The following PLK4 variants were observed in gnomAD, a reference collection of about 807,000 sequenced individuals.
PLK4 encodes polo like kinase 4.
A neutral mutation model predicts 103.0 loss-of-function variants in PLK4; 51 were observed. The ratio of observed to expected loss-of-function variants is 0.50; its 90% CI spans 0.40 to 0.63. The LOEUF is 0.63. PLK4 is among the 20% of genes least tolerant of loss of function. The probability of loss-of-function intolerance (pLI) is 0.00; values close to 1 mark genes in which losing one functional copy is unlikely to be tolerated. For missense variants in PLK4, 1,054 were observed against 1,151.0 expected (o/e 0.92, Z 1.22); for synonymous variants, 389 against 376.8 (o/e 1.03, Z -0.38).
intron 4 of PLK4, among the ~76,000 whole-genome samples, chr4:127,885,033 A>T (rs1324474117): frequency 6.6e-6 from 1 of 152,050 alleles, no homozygotes; most frequent in Non-Finnish European, 1.5e-5. Flanking sequence ...GAAAATATGT[A>T]TGAATCGTTT....
chr4:127,881,482 G>A (rs1301795862), intron 1 of PLK4: 5 of 1,044,560 alleles, frequency 4.8e-6, no homozygotes, highest in South Asian at 1.8e-5. Flanking sequence ...TTCTCCAAGG[G>A]GATGGCGGTT....
Position 127,898,441 on chromosome 4 carries a change from A to T in PLK4, c.2813A>T (p.Tyr938Phe), listed in dbSNP as rs1415130944. 7.0e-7 allele frequency: 1 copy of T among 1,420,580 alleles called. No homozygotes were observed. The highest frequency in any genetic ancestry group is 2.3e-5 in the East Asian group (1 of 43,724). The allele number at this position is 1,420,580 out of a possible 1,614,324, so 88.0% of individuals were successfully genotyped here. A position where few individuals can be genotyped will look rare whatever the true frequency, so the allele number is the denominator to read the frequency against. ...TTTTTTTCTTTTGCTTCACTTAGGT[A>T]TGGAGAAAATGAAAAATTACCAGAC... ...YTSPNGQTTRYGENEKLPDYI... is the reference protein window; with the variant it reads ...YTSPNGQTTRFGENEKLPDYI... The change falls in exon 16 of 16, where the codon TAT (tyrosine) becomes TTT (phenylalanine). Residue 938 changes from tyrosine to phenylalanine, a missense_variant and splice_region_variant. Coordinates refer to ENST00000270861, the MANE Select transcript of PLK4 (RefSeq NM_014264.5).
In PLK4 at chr4:127,893,251, A is replaced by G. The variant is rs200302114; in HGVS notation, c.2189-34A>G. On this transcript the variant is annotated intron_variant, in intron 10 of 15. Transcript: ENST00000270861. ...AAATCTAGGAATATTTTTAAAAAGGATAAGAGAACAGTTTTCTGATTTTTT... is the reference window on the plus strand; with the variant it reads ...AAATCTAGGAATATTTTTAAAAAGGGTAAGAGAACAGTTTTCTGATTTTTT... The G allele has an allele frequency of 1.9e-3, 2,484 of 1,337,148 alleles. 7 individuals carry two copies. Among genetic ancestry groups the G allele is most frequent in the Non-Finnish European group, 2.3e-3 (2,232 of 963,404 alleles). The allele number at this position is 1,337,148 out of a possible 1,614,324, so 82.8% of individuals were successfully genotyped here.
Position 127,886,271 on chromosome 4 carries a change from A to T in PLK4, c.901A>T (p.Ser301Cys). ...STAITASSST[S>C]ISGSLFDKRR... ...TGCAATTACAGCTTCTTCCAGTACCAGTATAAGTGGTAGTTTATTTGACAA... is the reference window on the plus strand; with the variant it reads ...TGCAATTACAGCTTCTTCCAGTACCTGTATAAGTGGTAGTTTATTTGACAA... Residue 301 changes from serine to cysteine, a missense_variant, in exon 5 of 16, where the codon AGT becomes TGT. Ser to Cys is a moderately radical substitution (Grantham distance 112). Transcript: ENST00000270861. The T allele has an allele frequency of 6.2e-7, 1 of 1,613,906 alleles. No homozygotes were observed. The highest frequency in any genetic ancestry group is 8.5e-7 in the Non-Finnish European group (1 of 1,179,770).
rs1275096571 is a variant in PLK4, at chr4:127,883,431, C to T, written c.223-8C>T. On this transcript the variant is annotated splice_region_variant and splice_polypyrimidine_tract_variant and intron_variant, in intron 3 of 15. Transcript: ENST00000270861. ...TATTTTAATTTATTATGCCCTTTCA[C>T]ATTTCAGCTTTATAACTATTTTGAA... The T allele has an allele frequency of 1.4e-6, 2 of 1,426,244 alleles. No individual in the cohort carries two copies. The highest frequency in any genetic ancestry group is 1.7e-5 in the Admixed American group (1 of 57,406). 88.3% of individuals were successfully genotyped at this position (1,426,244 alleles called of 1,614,324 possible).
intron 12 of PLK4, 35 bp from the exon 13 acceptor site, chr4:127,893,699 C>T: frequency 6.3e-7 from 1 of 1,598,414 alleles, no homozygotes; most frequent in Non-Finnish European, 8.5e-7. Flanking sequence ...AAATTGAAAG[C>T]TTCAAGGGAA....
intron 8 of PLK4, 128 bp from the exon 9 acceptor site, chr4:127,891,451 G>T: frequency 2.2e-6 from 1 of 453,354 alleles, no homozygotes; most frequent in Non-Finnish European, 3.9e-6. Flanking sequence ...TACTTTTACA[G>T]AATATTTAAC....
intron 4 of PLK4, among the ~76,000 whole-genome samples, chr4:127,883,837 A>G (rs767588456): frequency 5.9e-5 from 9 of 152,248 alleles, no homozygotes; most frequent in Non-Finnish European, 1.2e-4. Context: ...CAAATGTAGT[A>G]ACCTTTTTAG....
At chr4:127,882,939 C>G (rs931301227) in intron 2 of PLK4, among the ~76,000 whole-genome samples, 1 of 151,862 alleles carries the variant, frequency 6.6e-6, no homozygotes, top group Non-Finnish European at 1.5e-5. Context: ...AATCATTTAT[C>G]TAAACCACTT....
intron 5 of PLK4, 149 bp from the exon 6 acceptor site, chr4:127,887,247 A>C: frequency 1.8e-6 from 1 of 570,194 alleles, no homozygotes; most frequent in Non-Finnish European, 3.2e-6. Flanking sequence ...TTTTAAAGAT[A>C]GCATAGTTAT....
chr4:127,886,769 C>A, intron 5 of PLK4, 41 bp downstream of exon 5: 1 of 1,237,390 alleles, frequency 8.1e-7, no homozygotes, highest in Non-Finnish European at 1.1e-6. Flanking sequence ...TTTTTGGTAA[C>A]ATTATACTAG....
chr4:127,881,400 G>C, intron 1 of PLK4: 2 of 1,417,888 alleles, frequency 1.4e-6, no homozygotes, highest in Non-Finnish European at 1.8e-6. Context: ...GCAGTGTCCC[G>C]AGGCACTGCG....
chr4:127,890,906 T>G, intron 7 of PLK4, 186 bp from the exon 8 acceptor site: 1 of 396,554 alleles, frequency 2.5e-6, no homozygotes, highest in Middle Eastern at 6.5e-4. Context: ...TTCTTAACTT[T>G]GCACCATATG....
chr4:127,896,535 A>G (rs899106654), intron 14 of PLK4, among the ~76,000 whole-genome samples: 2 of 152,198 alleles, frequency 1.3e-5, no homozygotes, highest in Non-Finnish European at 2.9e-5. Flanking sequence ...AACAGGATTC[A>G]CTTTCTAATA....
intron 9 of PLK4, chr4:127,892,009 A>G (rs942802996): frequency 5.0e-5 from 11 of 218,456 alleles, no homozygotes; most frequent in Admixed American, 5.0e-4. Context: ...TTCAGAGCAC[A>G]TATACTAAAG....
intron 13 of PLK4, among the ~76,000 whole-genome samples, chr4:127,894,289 C>T (rs949976581): frequency 2.6e-5 from 4 of 151,958 alleles, no homozygotes; most frequent in African/African-American, 4.8e-5. Flanking sequence ...TGCAGTGGCA[C>T]GATCTCGGCT....
chr4:127,883,970 C>T (rs879488934), intron 4 of PLK4, among the ~76,000 whole-genome samples: 1 of 152,178 alleles, frequency 6.6e-6, no homozygotes, highest in Non-Finnish European at 1.5e-5. Flanking sequence ...ACTTAACACT[C>T]AGCTTCCAAA....
Position 127,898,479 on chromosome 4 carries a change from A to G in PLK4, c.2851A>G (p.Lys951Glu). The G allele has an allele frequency of 6.3e-7, 1 of 1,587,930 alleles. No individual in the cohort carries two copies. Among genetic ancestry groups the G allele is most frequent in the Non-Finnish European group, 8.6e-7 (1 of 1,159,964 alleles). The part of the protein sequence containing the change: ...NEKLPDYIKQ[K>E]LQCLSSILLM... ...AAAATTACCAGACTACATCAAACAG[A>G]AATTACAGTGTCTGTCTTCCATCCT... The change falls in exon 16 of 16, where the codon AAA (lysine) becomes GAA (glutamate). Residue 951 changes from lysine to glutamate, a missense_variant. By Grantham distance (56) the Lys-to-Glu change is moderately conservative. This residue lies in a region of PLK4 where 167 missense variants were observed against 200.7 expected (regional missense o/e 0.83). Transcript: ENST00000270861.
At chr4:127,897,823 G>GCTT (rs1735625355) in intron 15 of PLK4, among the ~76,000 whole-genome samples, 1 of 37,138 alleles carries the variant, frequency 2.7e-5, no homozygotes, top group Non-Finnish European at 5.9e-5. Flanking sequence ...TAGAATTAGG[G>GCTT]CTTTTTTTTT....
Sources: gnomAD v4.1 joint callset for allele counts (sites outside exome capture counted in the v4.1 genomes callset) on GRCh38, gnomAD v4.1.1 for gene constraint, gnomAD v4.1.1 regional missense constraint, MANE v1.5 for transcripts, NCBI Gene and HGNC (gene_info 2026-07-23, HGNC 2026-07-21) for gene names.